NCOA3: variants seen among roughly 807,000 people sequenced by gnomAD.
The protein encoded by NCOA3 is nuclear receptor coactivator 3, also known as CBP-interacting protein.
NCOA3 carries 51 observed loss-of-function variants against 158.8 expected under a neutral mutation model. The observed-to-expected ratio is 0.32, with a 90% confidence interval of 0.26 to 0.41. The LOEUF (loss-of-function observed/expected upper bound fraction) is 0.41. Among genes scored for constraint, NCOA3 ranks in the 10% least tolerant of loss-of-function variants. The probability of loss-of-function intolerance (pLI) is 1.00; values close to 1 mark genes in which losing one functional copy is unlikely to be tolerated. For synonymous variants in NCOA3, 537 were observed against 592.4 expected (o/e 0.91, Z 1.36); for missense variants, 1,510 against 1,746.6 (o/e 0.86, Z 2.41).
rs1367930430 is a variant in NCOA3 at position 47,501,987 on chromosome 20, A to C, written c.-131A>C. On this transcript the variant is annotated 5_prime_UTR_variant, in exon 1 of 23. Coordinates refer to ENST00000371998, the MANE Select transcript of NCOA3 (RefSeq NM_181659.3). ...GGGCTGAGCGGCGAGTTTCCGATTT[A>C]AAGCTGAGCTGCGAGGAAAATGGCG... is the stretch of plus-strand genomic sequence containing the variant. 1 of 399,656 alleles carries C rather than the reference A, an allele frequency of 2.5e-6. No individual in the cohort carries two copies. The highest frequency in any genetic ancestry group is 4.4e-6 in the Non-Finnish European group (1 of 226,908). 24.8% of individuals were successfully genotyped at this position (399,656 alleles called of 1,614,324 possible).
intron 2 of NCOA3, among the ~76,000 whole-genome samples, chr20:47,607,789 A>G (rs1406957692): frequency 2.0e-5 from 3 of 152,214 alleles, no homozygotes; most frequent in Admixed American, 2.0e-4. Context: ...GTTTATTAAA[A>G]TAGTCCTTCC....
At chr20:47,577,815 C>T (rs1380192292) in intron 1 of NCOA3, among the ~76,000 whole-genome samples, 3 of 152,106 alleles carry the variant, frequency 2.0e-5, no homozygotes, top group Non-Finnish European at 2.9e-5. Context: ...GTTTTCACTG[C>T]GTTATTATGA....
intron 1 of NCOA3, among the ~76,000 whole-genome samples, chr20:47,522,401 C>T (rs184474951): frequency 6.9e-6 from 1 of 144,048 alleles, no homozygotes; most frequent in East Asian, 2.0e-4. Context: ...CCACAGCGCC[C>T]GGCCCTTTTT....
rs755973479 is a variant in NCOA3, at chr20:47,627,725, C to T, written c.697C>T (p.Arg233Ter). The T allele has an allele frequency of 1.9e-6, 3 of 1,613,552 alleles. No individual in the cohort carries two copies. Among genetic ancestry groups the T allele is most frequent in the African/African-American group, 1.3e-5 (1 of 74,884 alleles). ...GCAGTGCTTTGCCCTGTCTCAGCCA[C>T]GAGCTATGATGGAGGAAGGGGAAGG... ...TMQCFALSQP[R>*]AMMEEGEDLQ... Residue 233 changes from arginine to a stop codon, truncating the protein, a stop_gained, in exon 7 of 23, where the codon CGA becomes TGA. Coordinates refer to ENST00000371998, the MANE Select transcript of NCOA3 (RefSeq NM_181659.3). LOFTEE classifies it high-confidence loss of function.
At chr20:47,555,340 T>G (rs559053740) in intron 1 of NCOA3, among the ~76,000 whole-genome samples, 1 of 152,190 alleles carries the variant, frequency 6.6e-6, no homozygotes, top group East Asian at 1.9e-4. Context: ...AAAAAGAATA[T>G]TGGAGTGGGA....
At chr20:47,571,378 C>T (rs1026474833) in intron 1 of NCOA3, among the ~76,000 whole-genome samples, 12 of 150,218 alleles carry the variant, frequency 8.0e-5, no homozygotes, top group African/African-American at 1.7e-4. Flanking sequence ...AGTGCAGTTG[C>T]GTGATCTTGG....
At chr20:47,527,910 CT>C (rs1568656676) in intron 1 of NCOA3, among the ~76,000 whole-genome samples, 2 of 152,016 alleles carry the variant, frequency 1.3e-5, no homozygotes, top group South Asian at 4.2e-4. Context: ...TTTTCCTTTC[CT>C]TTTTCTTTTC....
At chr20:47,595,340 C>T (rs2085735894) in intron 2 of NCOA3, among the ~76,000 whole-genome samples, 3 of 151,874 alleles carry the variant, frequency 2.0e-5, no homozygotes, top group African/African-American at 2.4e-5. Context: ...TCAGGTGATC[C>T]GCCCGCCTTG....
rs6018613 is a variant in NCOA3, at chr20:47,642,435, C to T, written c.3252+51C>T. On this transcript the variant is annotated intron_variant, in intron 17 of 22. Coordinates refer to ENST00000371998, the MANE Select transcript of NCOA3 (RefSeq NM_181659.3). ...GAGAGTGTATATTTGTGTGTGTGCG[C>T]GCGTACACATTCATGAAGCCACATA... 2,464 of 1,323,442 alleles carry T rather than the reference C, an allele frequency of 1.9e-3. 33 individuals are homozygous for T. The African/African-American group carries it at 0.026, about 14-fold the overall frequency. The allele number at this position is 1,323,442 out of a possible 1,614,324, so 82.0% of individuals were successfully genotyped here. A position where few individuals can be genotyped will look rare whatever the true frequency, so the allele number is the denominator to read the frequency against.
chr20:47,551,911 G>A (rs1035369649), intron 1 of NCOA3, among the ~76,000 whole-genome samples: 1 of 152,144 alleles, frequency 6.6e-6, no homozygotes. Context: ...AAATTGTTAG[G>A]TTTTAAAAAA....
intron 2 of NCOA3, among the ~76,000 whole-genome samples, chr20:47,615,891 C>G (rs775765771): frequency 7.4e-4 from 113 of 152,242 alleles, no homozygotes; most frequent in Non-Finnish European, 1.3e-3. Flanking sequence ...GACGTGGTGG[C>G]TCACGCCTGT....
At position 47,646,306 on chromosome 20, in the gene NCOA3, T is replaced by TC. The variant is rs1257318059; in HGVS notation, c.3253-763dup. Among the ~76,000 whole-genome samples, 16 of 152,166 alleles carry TC rather than the reference T, an allele frequency of 1.1e-4. 1 individual carries two copies. The highest frequency in any genetic ancestry group is 9.8e-4 in the Admixed American group (15 of 15,276). Reference sequence around the variant, plus strand: ...CAGTCAGGTACAGCTACCGTTTCCTTCCCCTGGAATGTTTTCAGTCCCCTG... The same window carrying TC: ...CAGTCAGGTACAGCTACCGTTTCCTTCCCCCTGGAATGTTTTCAGTCCCCTG... On this transcript the variant is annotated intron_variant, in intron 17 of 22. Transcript: ENST00000371998.
chr20:47,640,151 C>T, intron 16 of NCOA3, 100 bp downstream of exon 16: 4 of 1,506,600 alleles, frequency 2.7e-6, no homozygotes, highest in Non-Finnish European at 2.7e-6. Flanking sequence ...TGAGAATTCC[C>T]TATAATTGAG....
intron 1 of NCOA3, among the ~76,000 whole-genome samples, chr20:47,518,371 A>G (rs968415075): frequency 3.3e-5 from 5 of 151,498 alleles, no homozygotes; most frequent in African/African-American, 9.7e-5. Flanking sequence ...AATTGGGGGA[A>G]AAAAAAAGAA....
At chr20:47,522,310 G>A (rs1340911346) in intron 1 of NCOA3, among the ~76,000 whole-genome samples, 1 of 151,612 alleles carries the variant, frequency 6.6e-6, no homozygotes, top group Non-Finnish European at 1.5e-5. Flanking sequence ...CACCATGTTA[G>A]CCAGGATGGT....
chr20:47,593,352 T>TA (rs1324769053), intron 2 of NCOA3, among the ~76,000 whole-genome samples: 1 of 137,876 alleles, frequency 7.3e-6, no homozygotes, highest in Admixed American at 7.3e-5. Flanking sequence ...TTTTTTTTTT[T>TA]TTTTTTTTTT....
At chr20:47,525,215 A>G (rs1467538829) in intron 1 of NCOA3, among the ~76,000 whole-genome samples, 26 of 151,892 alleles carry the variant, frequency 1.7e-4, no homozygotes, top group Admixed American at 7.2e-4. Flanking sequence ...CCCTGAGTGG[A>G]CACAGCACAT....
At chr20:47,521,038 A>G (rs1370041970) in intron 1 of NCOA3, among the ~76,000 whole-genome samples, 4 of 152,226 alleles carry the variant, frequency 2.6e-5, no homozygotes, top group Non-Finnish European at 5.9e-5. Flanking sequence ...CCACCAAGGA[A>G]GTACTCTACC....
At chr20:47,511,555 A>ATATATATATATACACATATT (rs2084139949) in intron 1 of NCOA3, among the ~76,000 whole-genome samples, 1 of 23,474 alleles carries the variant, frequency 4.3e-5, no homozygotes. Context: ...ATATATATAT[A>ATATATATATATACACATATT]TTTCTTTTTT....
Sources: gnomAD v4.1 joint callset for allele counts (sites outside exome capture counted in the v4.1 genomes callset) on GRCh38, gnomAD v4.1.1 for gene constraint, MANE v1.5 for transcripts, NCBI Gene and HGNC (gene_info 2026-07-23, HGNC 2026-07-21) for gene names.